Variants in RNF214 observed in about 807,000 individuals in gnomAD.
RNF214 encodes ring finger protein 214.
In RNF214, 25 loss-of-function variants were observed where a neutral mutation model predicts 75.9. That is an observed-to-expected ratio of 0.33 (90% CI 0.24 to 0.46). RNF214 has a LOEUF of 0.46. RNF214 is among the 20% of genes least tolerant of loss of function. The pLI, the probability that RNF214 is intolerant of heterozygous loss-of-function variation, is 1.00. For missense variants in RNF214, 725 were observed against 857.5 expected (o/e 0.85, Z 1.93); for synonymous variants, 314 against 308.8 (o/e 1.02, Z -0.18).
chr11:117,278,435 C>T (rs1007702633), intron 6 of RNF214, among the ~76,000 whole-genome samples: 1 of 152,160 alleles, frequency 6.6e-6, no homozygotes, highest in African/African-American at 2.4e-5. Flanking sequence ...TCCAGGCTTC[C>T]AGCTATAAAA....
intron 6 of RNF214, among the ~76,000 whole-genome samples, chr11:117,257,341 AATCATT>A (rs1392065127): frequency 3.3e-5 from 5 of 152,248 alleles, no homozygotes; most frequent in Non-Finnish European, 5.9e-5. Flanking sequence ...GTCTCAAAAA[AATCATT>A]ATCAGACTAG....
chr11:117,262,707 T>TGTG (rs2033693912), intron 6 of RNF214, among the ~76,000 whole-genome samples: 6 of 147,762 alleles, frequency 4.1e-5, no homozygotes, highest in African/African-American at 1.5e-4. Flanking sequence ...TTGAGGAACG[T>TGTG]TGTGTGTGTG....
Position 117,281,257 on chromosome 11 carries a change from C to A in RNF214, c.1146-57C>A. ...TTGTGCTGGGATTACAGGCGTGAGT[C>A]ACTGTTCCTAGCAGGGCTTTCTTTA... On this transcript the variant is annotated intron_variant, in intron 8 of 14. Transcript: ENST00000300650. 2.4e-6 allele frequency: 3 copies of A among 1,245,464 alleles called. No homozygotes were observed. The South Asian group carries it at 3.7e-5, about 15-fold the overall frequency. 77.2% of individuals were successfully genotyped at this position (1,245,464 alleles called of 1,614,324 possible).
intron 2 of RNF214, among the ~76,000 whole-genome samples, chr11:117,237,262 G>A (rs61906492): frequency 0.051 from 7,741 of 152,210 alleles, 318 homozygotes; most frequent in East Asian, 0.15. Context: ...AAATTTTTAT[G>A]TAGAGAGAGG....
intron 12 of RNF214, 57 bp downstream of exon 12, chr11:117,282,593 G>A: frequency 6.3e-7 from 1 of 1,594,786 alleles, no homozygotes; most frequent in East Asian, 2.3e-5. Flanking sequence ...GGAAGAGGTA[G>A]ATTTCAGAAA....
At chr11:117,269,048 AC>A (rs1243264631) in intron 6 of RNF214, among the ~76,000 whole-genome samples, 1 of 152,188 alleles carries the variant, frequency 6.6e-6, no homozygotes, top group Non-Finnish European at 1.5e-5. Context: ...TTATATACCT[AC>A]CCTTCTTTAA....
chr11:117,240,384 T>TAAAAAA (rs372718608), intron 4 of RNF214, among the ~76,000 whole-genome samples: 2 of 61,722 alleles, frequency 3.2e-5, no homozygotes, highest in Non-Finnish European at 6.2e-5. Flanking sequence ...CAAAAAAAAT[T>TAAAAAA]AAAAAAAAAA....
At chr11:117,283,843 G>C (rs984691036) in intron 14 of RNF214, among the ~76,000 whole-genome samples, 2 of 151,616 alleles carry the variant, frequency 1.3e-5, no homozygotes, top group African/African-American at 4.8e-5. Flanking sequence ...TTTTAGTAGA[G>C]AGAAGGTCTT....
chr11:117,265,382 A>G (rs2033773917), intron 6 of RNF214, among the ~76,000 whole-genome samples: 2 of 152,244 alleles, frequency 1.3e-5, no homozygotes, highest in African/African-American at 4.8e-5. Context: ...TCATAATTGT[A>G]GAAACTTAGA....
At chr11:117,276,932 T>C (rs566167823) in intron 6 of RNF214, among the ~76,000 whole-genome samples, 11 of 152,266 alleles carry the variant, frequency 7.2e-5, no homozygotes, top group Non-Finnish European at 1.5e-4. Flanking sequence ...CTCTGTAATG[T>C]ATTTCACATA....
intron 6 of RNF214, among the ~76,000 whole-genome samples, chr11:117,254,621 T>C (rs1049278166): frequency 2.7e-5 from 4 of 149,780 alleles, no homozygotes; most frequent in Admixed American, 2.0e-4. Flanking sequence ...GACCTCTTCG[T>C]TCTTCTTCTT....
Position 117,238,690 on chromosome 11 carries a change from A to C in RNF214, c.197A>C (p.His66Pro). 1.9e-6 allele frequency: 3 copies of C among 1,614,214 alleles called. No individual in the cohort carries two copies. Among genetic ancestry groups the C allele is most frequent in the Non-Finnish European group, 2.5e-6 (3 of 1,180,030 alleles). ...ACCAAGGAGAATAACAGAAATGTCC[A>C]TTTGGAGCACTCAGAGCAGAATCCT... ...TITKENNRNVHLEHSEQNPGS... is the reference protein window; with the variant it reads ...TITKENNRNVPLEHSEQNPGS... Residue 66 changes from histidine to proline, a missense_variant, in exon 3 of 15, where the codon CAT (histidine) becomes CCT (proline). Physicochemically the swap from His to Pro is moderately conservative, Grantham distance 77. Around this residue, in one of 2 missense-constraint regions of RNF214, gnomAD observed 362 missense variants for 344.5 expected, o/e 1.05. Transcript: ENST00000300650.
chr11:117,251,516 C>G (rs1049802856), intron 6 of RNF214, among the ~76,000 whole-genome samples: 1 of 101,408 alleles, frequency 9.9e-6, no homozygotes, highest in African/African-American at 3.8e-5. Flanking sequence ...GGCGGCTGGC[C>G]GGGCGGGGGG....
At chr11:117,275,746 T>TA (rs983927058) in intron 6 of RNF214, among the ~76,000 whole-genome samples, 4 of 152,130 alleles carry the variant, frequency 2.6e-5, no homozygotes, top group Non-Finnish European at 5.9e-5. Flanking sequence ...ATCAGTAATT[T>TA]AAAAAATCTC....
At position 117,238,979 on chromosome 11, in the gene RNF214, A is replaced by G; in HGVS notation, c.486A>G (p.Glu162=). The change falls in exon 3 of 15, where the codon GAA becomes GAG. Residue 162 remains glutamate, a synonymous_variant. Transcript: ENST00000300650. ...CCCCACAAACCTCCATCCTAAAGGA[A>G]GGTAACAGGGACACAAGCTTGGATT... is the stretch of plus-strand genomic sequence containing the variant. ...EKSPQTSILK[E]GNRDTSLDFR... The G allele has an allele frequency of 3.1e-6, 5 of 1,614,196 alleles. No individual in the cohort carries two copies. Among genetic ancestry groups the G allele is most frequent in the South Asian group, 1.1e-5 (1 of 91,084 alleles).
At position 117,255,662 on chromosome 11, in the gene RNF214, T is replaced by C. The variant is rs527750548; in HGVS notation, c.959+8714T>C. On this transcript the variant is annotated intron_variant, in intron 6 of 14. Coordinates refer to ENST00000300650, the MANE Select transcript of RNF214 (RefSeq NM_207343.4). ...GCCACTACACCCAGCCTCTTGTGTA[T>C]TCTTAGTATTAATTATTCTTTCTCT... 2.4e-4 allele frequency among the ~76,000 whole-genome samples: 36 copies of C among 152,080 alleles called. No homozygotes were observed. In the South Asian group the frequency reaches 5.2e-3, roughly 22 times the overall value.
chr11:117,239,146 T>G (rs1565328360), intron 3 of RNF214, 35 bp downstream of exon 3: 20 of 1,438,332 alleles, frequency 1.4e-5, no homozygotes, highest in East Asian at 2.3e-5. Flanking sequence ...AAAATGTAAT[T>G]GGGGGGTGGT....
Position 117,283,160 on chromosome 11 carries a change from C to CAGCCCAGTG in RNF214, c.2000_2008dup (p.Pro667_Glu669dup). 6.2e-7 allele frequency: 1 copy of CAGCCCAGTG among 1,614,140 alleles called. No individual in the cohort carries two copies. Among genetic ancestry groups the CAGCCCAGTG allele is most frequent in the Non-Finnish European group, 8.5e-7 (1 of 1,180,010 alleles). On this transcript the variant is annotated inframe_insertion, in exon 14 of 15. Coordinates refer to ENST00000300650, the MANE Select transcript of RNF214 (RefSeq NM_207343.4). Reference sequence around the variant, plus strand: ...ATGTCTAATGTGCCAGAAACTCGTCCAGCCCAGTGAGCTGCATCCAATGGC... The same window carrying CAGCCCAGTG: ...ATGTCTAATGTGCCAGAAACTCGTCCAGCCCAGTGAGCCCAGTGAGCTGCATCCAATGGC...
At chr11:117,257,012 A>C (rs2033542120) in intron 6 of RNF214, among the ~76,000 whole-genome samples, 1 of 152,116 alleles carries the variant, frequency 6.6e-6, no homozygotes, top group South Asian at 2.1e-4. Flanking sequence ...CAGCCAGTAC[A>C]CTCTTTGCAA....
Sources: allele counts gnomAD v4.1 joint callset (sites outside exome capture counted in the v4.1 genomes callset), GRCh38; gene constraint gnomAD v4.1.1; regional missense constraint gnomAD v4.1.1; transcripts MANE v1.5; gene names NCBI Gene and HGNC (gene_info 2026-07-23, HGNC 2026-07-21).